Variants in MED13L observed in about 807,000 individuals in gnomAD.
MED13L encodes the protein mediator of RNA polymerase II transcription subunit 13-like.
MED13L carries 7 observed loss-of-function variants against 220.9 expected under a neutral mutation model. The ratio of observed to expected loss-of-function variants is 0.03; its 90% CI spans 0.02 to 0.06. The LOEUF is 0.06. MED13L is among the 10% of genes least tolerant of loss of function. The pLI is 1.00. For missense variants in MED13L, 1,965 were observed against 2,760.5 expected (o/e 0.71, Z 6.46); for synonymous variants, 1,011 against 1,015.2 (o/e 1.00, Z 0.08).
chr12:116,110,856 A>C (rs2137896535), intron 3 of MED13L, among the ~76,000 whole-genome samples: 1 of 152,314 alleles, frequency 6.6e-6, no homozygotes, highest in Admixed American at 6.5e-5. Context: ...AGTCAATATA[A>C]GGTTTGAACT....
chr12:116,207,896 T>C (rs1882453042), intron 2 of MED13L, among the ~76,000 whole-genome samples: 1 of 152,164 alleles, frequency 6.6e-6, no homozygotes, highest in African/African-American at 2.4e-5. Flanking sequence ...CTAAATACTA[T>C]GCCCCAACTA....
Position 116,196,191 on chromosome 12 carries a change from T to C in MED13L, c.310+41277A>G, listed in dbSNP as rs1000810913. Among the ~76,000 whole-genome samples, 3 of 152,046 alleles carry C rather than the reference T, an allele frequency of 2.0e-5. No homozygotes were observed. The East Asian group carries it at 5.8e-4, about 29-fold the overall frequency. On this transcript the variant is annotated intron_variant, in intron 2 of 30. Transcript: ENST00000281928. ...CCTAATGGATAATCTAACTTTCAAG[T>C]AGCAAGAAAAAAAATTACTGGTTGA...
chr12:116,104,470 A>C (rs1393323199), intron 3 of MED13L, among the ~76,000 whole-genome samples: 1 of 152,164 alleles, frequency 6.6e-6, no homozygotes, highest in East Asian at 1.9e-4. Context: ...AAATATCTTA[A>C]CTCTAAACAC....
chr12:116,140,245 T>C (rs56159711), intron 2 of MED13L, among the ~76,000 whole-genome samples: 22,717 of 152,064 alleles, frequency 0.15, 1,868 homozygotes, highest in South Asian at 0.21. Flanking sequence ...GCGTGATTAT[T>C]GTCTACCTCC....
chr12:115,961,979 A>G (rs1875793670), intron 30 of MED13L, among the ~76,000 whole-genome samples: 1 of 152,142 alleles, frequency 6.6e-6, no homozygotes, highest in African/African-American at 2.4e-5. Context: ...AAAAAAAGAA[A>G]AAGAAAACGA....
chr12:116,193,700 GA>G (rs1881434397), intron 2 of MED13L, among the ~76,000 whole-genome samples: 1 of 151,024 alleles, frequency 6.6e-6, no homozygotes, highest in African/African-American at 2.4e-5. Context: ...CTAATAATCA[GA>G]GTCCCCAAAA....
intron 4 of MED13L, among the ~76,000 whole-genome samples, chr12:116,079,508 G>T (rs1871074569): frequency 6.6e-6 from 1 of 152,016 alleles, no homozygotes; most frequent in Non-Finnish European, 1.5e-5. Flanking sequence ...TTACGAGCAT[G>T]AGCTGTCGCA....
intron 8 of MED13L, among the ~76,000 whole-genome samples, chr12:116,013,586 A>C (rs1879549353): frequency 6.6e-6 from 1 of 152,224 alleles, no homozygotes; most frequent in Non-Finnish European, 1.5e-5. Context: ...CGGTCCCACG[A>C]ACTTTGAGTA....
chr12:115,992,647 C>T (rs114180570), intron 16 of MED13L, among the ~76,000 whole-genome samples: 1 of 152,228 alleles, frequency 6.6e-6, no homozygotes, highest in South Asian at 2.1e-4. Flanking sequence ...GGCTAAGAGG[C>T]CTCAGTATTA....
chr12:116,181,359 T>C (rs1420088079), intron 2 of MED13L: 1 of 152,174 alleles, frequency 6.6e-6, no homozygotes, highest in African/African-American at 2.4e-5. Context: ...TATTTAATCT[T>C]CTGTTCAAGA....
In MED13L at chr12:116,012,880, T is replaced by G; in HGVS notation, c.1197A>C (p.Pro399=). 6.2e-7 allele frequency: 1 copy of G among 1,613,842 alleles called. No individual in the cohort carries two copies. The highest frequency in any genetic ancestry group is 8.5e-7 in the Non-Finnish European group (1 of 1,179,778). Residue 399 remains proline (P), a synonymous_variant, in exon 9 of 31, where the codon CCA becomes CCC. Coordinates refer to ENST00000281928, the MANE Select transcript of MED13L (RefSeq NM_015335.5). The stretch of plus-strand genomic sequence containing the variant: ...TGCTAGCAGGCTCTTCTTCAAGAGT[T>G]GGAGTTGACATTTGGCTCCTCCTAA... ...TQSKRSQMST[P]TLEEEPASNP... is the part of the protein sequence containing the mutation.
In MED13L at chr12:116,253,766, T is replaced by G. The variant is rs555388419; in HGVS notation, c.73-16061A>C. Reference sequence around the variant, plus strand: ...ACGGTTTTTTTTGTTTTTTTTTTTTTTTTTTTTTTTTTTGAGACAGTCTCA... The same window carrying G: ...ACGGTTTTTTTTGTTTTTTTTTTTTGTTTTTTTTTTTTTGAGACAGTCTCA... On this transcript the variant is annotated intron_variant, in intron 1 of 30. Coordinates refer to ENST00000281928, the MANE Select transcript of MED13L (RefSeq NM_015335.5). 8.9e-4 allele frequency among the ~76,000 whole-genome samples: 125 copies of G among 140,084 alleles called. 1 individual carries two copies. The South Asian group carries it at 0.022, about 25-fold the overall frequency. The allele number at this position is 140,084 out of a possible 152,430, so 91.9% of individuals were successfully genotyped here. A position where few individuals can be genotyped will look rare whatever the true frequency, so the allele number is the denominator to read the frequency against.
chr12:116,234,826 T>A (rs1200314136), intron 2 of MED13L, among the ~76,000 whole-genome samples: 1 of 148,920 alleles, frequency 6.7e-6, no homozygotes, highest in Non-Finnish European at 1.5e-5. Context: ...CCTGGCTAAT[T>A]TTTTTTTTTT....
intron 4 of MED13L, among the ~76,000 whole-genome samples, chr12:116,070,554 C>T (rs193257011): frequency 6.6e-6 from 1 of 152,264 alleles, no homozygotes; most frequent in East Asian, 1.9e-4. Flanking sequence ...GGCAGTCTAG[C>T]CTCAAAGTTC....
At position 115,983,238 on chromosome 12, in the gene MED13L, C is replaced by T. The variant is rs1334393745; in HGVS notation, c.4834G>A (p.Gly1612Arg). ...CCCCCAGTGCTGGGGTTCTGCCCTC[C>T]AACACTACCACTGAATCCTGAAGAA... is the stretch of plus-strand genomic sequence containing the variant. ...TSSSGFSGSV[G>R]GQNPSTGGIS... Residue 1612 changes from glycine (G) to arginine (R), a missense_variant, in exon 21 of 31, where the codon GGA becomes AGA. Physicochemically the swap from Gly to Arg is moderately radical, Grantham distance 125. Around this residue, in one of 10 missense-constraint regions of MED13L, gnomAD observed 510 missense variants for 620.4 expected, o/e 0.82. Transcript: ENST00000281928. The T allele has an allele frequency of 6.2e-7, 1 of 1,614,008 alleles. No individual in the cohort carries two copies. The highest frequency in any genetic ancestry group is 8.5e-7 in the Non-Finnish European group (1 of 1,180,004).
At position 116,007,170 on chromosome 12, in the gene MED13L, C is replaced by T. The variant is rs539545581; in HGVS notation, c.2238+241G>A. ...TGAGAGAAAACATGCACTGTACAAG[C>T]TATAGCCTGGAAAATATGAGGCTTC... On this transcript the variant is annotated intron_variant, in intron 11 of 30. Transcript: ENST00000281928. 4.5e-4 allele frequency: 251 copies of T among 559,976 alleles called. 5 individuals carry two copies. Among genetic ancestry groups the T allele is most frequent in the South Asian group, 4.3e-3 (218 of 50,378 alleles). The allele number at this position is 559,976 out of a possible 1,614,324, so 34.7% of individuals were successfully genotyped here.
intron 1 of MED13L, among the ~76,000 whole-genome samples, chr12:116,267,932 C>T (rs200074958): frequency 6.6e-6 from 1 of 152,014 alleles, no homozygotes; most frequent in African/African-American, 2.4e-5. Flanking sequence ...AAAATATTAC[C>T]AAGCCACAGT....
intron 1 of MED13L, among the ~76,000 whole-genome samples, chr12:116,275,688 G>C (rs1873759858): frequency 6.6e-6 from 1 of 152,080 alleles, no homozygotes; most frequent in Admixed American, 6.5e-5. Context: ...ATCTACAGCG[G>C]GGGTTACAGA....
chr12:116,269,094 CTGT>C (rs1238663720), intron 1 of MED13L, among the ~76,000 whole-genome samples: 1 of 152,098 alleles, frequency 6.6e-6, no homozygotes. Flanking sequence ...CAGTCTCGTT[CTGT>C]CATCAGGCTG....
Sources: allele counts gnomAD v4.1 joint callset (sites outside exome capture counted in the v4.1 genomes callset), GRCh38; gene constraint gnomAD v4.1.1; regional missense constraint gnomAD v4.1.1; transcripts MANE v1.5; gene names NCBI Gene and HGNC (gene_info 2026-07-23, HGNC 2026-07-21).